MROH1: variants seen among roughly 807,000 people sequenced by gnomAD.
The protein encoded by MROH1 is maestro heat-like repeat-containing protein family member 1.
A neutral mutation model predicts 116.5 loss-of-function variants in MROH1; 117 were observed. The observed-to-expected ratio is 1.00, with a 90% CI of 0.86 to 1.17. The LOEUF is 1.17. Ranked by LOEUF, MROH1 falls within the 50% of genes most tolerant of loss-of-function variation. The probability of loss-of-function intolerance (pLI) is 0.00; values close to 1 mark genes in which losing one functional copy is unlikely to be tolerated. For missense variants in MROH1, 1,873 were observed against 1,338.5 expected (o/e 1.40, Z -6.23); for synonymous variants, 921 against 583.9 (o/e 1.58, Z -8.32).
chr8:144,261,588 G>A, intron 43 of MROH1, 67 bp from the exon 44 acceptor site: 1 of 700,756 alleles, frequency 1.4e-6, no homozygotes, highest in Non-Finnish European at 2.6e-6. Context: ...AGGAGAGCGT[G>A]GCCCACGCGC....
chr8:144,217,968 G>A (rs943491233), intron 12 of MROH1, among the ~76,000 whole-genome samples: 9 of 151,070 alleles, frequency 6.0e-5, no homozygotes, highest in African/African-American at 2.0e-4. Context: ...GGGTGGCTGC[G>A]TTAGCGGCCC....
chr8:144,154,831 C>CTT (rs1184974771), intron 1 of MROH1, among the ~76,000 whole-genome samples: 1 of 151,182 alleles, frequency 6.6e-6, no homozygotes, highest in African/African-American at 2.4e-5. Context: ...CGCCCAGCTA[C>CTT]TTTTTTTTAA....
intron 32 of MROH1, among the ~76,000 whole-genome samples, 166 bp downstream of exon 32, chr8:144,249,195 C>T (rs1376809023): frequency 6.6e-6 from 1 of 152,164 alleles, no homozygotes; most frequent in Non-Finnish European, 1.5e-5. Context: ...CAGCCCTCCT[C>T]GGGTGTGACC....
Position 144,248,916 on chromosome 8 carries a change from C to T in MROH1, c.3160C>T (p.Leu1054Phe). 2.6e-6 allele frequency: 2 copies of T among 777,834 alleles called. No individual in the cohort carries two copies. Among genetic ancestry groups the T allele is most frequent in the Non-Finnish European group, 2.4e-6 (1 of 416,710 alleles). 48.2% of individuals were successfully genotyped at this position (777,834 alleles called of 1,614,324 possible). A position where few individuals can be genotyped will look rare whatever the true frequency, so the allele number is the denominator to read the frequency against. ...KRLPPDQLIS[L>F]LLTMFEALGD... ...CCTCCCCCCAGACCAGCTCATCAGC[C>T]TCTTGCTAACCATGTTTGAGGCCCT... is the stretch of plus-strand genomic sequence containing the variant. Residue 1054 changes from leucine to phenylalanine, a missense_variant, in exon 32 of 44, where the codon CTC (leucine) becomes TTC (phenylalanine). Leu to Phe is a conservative substitution (Grantham distance 22). Coordinates refer to ENST00000326134, the MANE Select transcript of MROH1 (RefSeq NM_032450.3).
rs561387537 is a variant in MROH1 at position 144,178,782 on chromosome 8, C to G, written c.169-673C>G. ...CTTTCCTGGGTTGGGCAGTAGCCTACTCTGCTGTGTGCCCCCGCGGGTCCC... is the reference window on the plus strand; with the variant it reads ...CTTTCCTGGGTTGGGCAGTAGCCTAGTCTGCTGTGTGCCCCCGCGGGTCCC... On this transcript the variant is annotated intron_variant, in intron 4 of 43. Coordinates refer to ENST00000326134, the MANE Select transcript of MROH1 (RefSeq NM_032450.3). 2.6e-5 allele frequency among the ~76,000 whole-genome samples: 4 copies of G among 152,236 alleles called. No individual in the cohort carries two copies. The South Asian group carries it at 8.3e-4, about 32-fold the overall frequency.
chr8:144,240,190 GTGT>G (rs1840728304), intron 19 of MROH1, 37 bp downstream of exon 19: 2 of 751,642 alleles, frequency 2.7e-6, no homozygotes, highest in Non-Finnish European at 4.9e-6. Context: ...GGGCCTTAAG[GTGT>G]TGTCTGGCCT....
chr8:144,254,244 A>C (rs890917573), intron 33 of MROH1, among the ~76,000 whole-genome samples: 3 of 152,212 alleles, frequency 2.0e-5, no homozygotes, highest in Non-Finnish European at 4.4e-5. Context: ...CTGGCACCAA[A>C]TATGTCCACT....
At chr8:144,161,262 G>A (rs1345245738) in intron 2 of MROH1, among the ~76,000 whole-genome samples, 173 bp downstream of exon 2, 1 of 152,186 alleles carries the variant, frequency 6.6e-6, no homozygotes, top group African/African-American at 2.4e-5. Flanking sequence ...CTCATCTACT[G>A]AATCCCCTTT....
rs991296590 is a variant in MROH1, at chr8:144,240,167, T to A, written c.1827+14T>A. The A allele has an allele frequency of 1.3e-6, 1 of 772,096 alleles. No individual in the cohort carries two copies. 47.8% of individuals were successfully genotyped at this position (772,096 alleles called of 1,614,324 possible). ...AAGCTGTTGATGGTGAGGGCCGGGG[T>A]ACGGCCCATCCTGGGCCTTAAGGTG... On this transcript the variant is annotated intron_variant, in intron 19 of 43. Transcript: ENST00000326134.
intron 10 of MROH1, among the ~76,000 whole-genome samples, chr8:144,194,211 C>T (rs1180631313): frequency 2.6e-5 from 4 of 151,658 alleles, no homozygotes; most frequent in African/African-American, 9.7e-5. Flanking sequence ...TACAGGCACG[C>T]ACCACCACGC....
In MROH1 at chr8:144,260,389, G is replaced by A; in HGVS notation, c.4380+15G>A. ...TCTTCGACAGTGTAGGCTGGTTGGG[G>A]CAGGGGGAGGGAAGAGGGCCCCAGC... On this transcript the variant is annotated intron_variant, in intron 39 of 43. Transcript: ENST00000326134. 1 of 709,612 alleles carries A rather than the reference G, an allele frequency of 1.4e-6. No homozygotes were observed. Among genetic ancestry groups the A allele is most frequent in the Non-Finnish European group, 2.6e-6 (1 of 388,544 alleles). 44.0% of individuals were successfully genotyped at this position (709,612 alleles called of 1,614,324 possible). A position where few individuals can be genotyped will look rare whatever the true frequency, so the allele number is the denominator to read the frequency against.
chr8:144,195,653 T>C (rs1205946099), intron 10 of MROH1, among the ~76,000 whole-genome samples: 3 of 152,030 alleles, frequency 2.0e-5, no homozygotes, highest in African/African-American at 7.2e-5. Context: ...ATAGCAGTTA[T>C]TTATAACCTT....
chr8:144,230,954 G>A (rs1289196311), intron 14 of MROH1, among the ~76,000 whole-genome samples: 4 of 141,680 alleles, frequency 2.8e-5, no homozygotes, highest in African/African-American at 1.1e-4. Context: ...AGGACCCTGC[G>A]GCCTTCCGCA....
At chr8:144,155,507 A>G (rs1042113609) in intron 1 of MROH1, among the ~76,000 whole-genome samples, 1 of 152,184 alleles carries the variant, frequency 6.6e-6, no homozygotes, top group African/African-American at 2.4e-5. Context: ...AACGTGTCAC[A>G]AATCTCCAAA....
At chr8:144,175,355 CT>C (rs1241922519) in intron 4 of MROH1, 41 of 449,600 alleles carry the variant, frequency 9.1e-5, no homozygotes, top group Non-Finnish European at 1.1e-4. Context: ...CCCTCCCCCC[CT>C]CCCAGCAACA....
rs1434617045 is a variant in MROH1 at position 144,260,241 on chromosome 8, G to T, written c.4247G>T (p.Gly1416Val). ...GCCATGATTGGCGGGCTGGACGACGGGGACAACCCTCACAGCCCAGTGGCC... is the reference window on the plus strand; with the variant it reads ...GCCATGATTGGCGGGCTGGACGACGTGGACAACCCTCACAGCCCAGTGGCC... ...LTAMIGGLDDGDNPHSPVALE... is the reference protein window; with the variant it reads ...LTAMIGGLDDVDNPHSPVALE... Residue 1416 changes from glycine (G) to valine (V), a missense_variant, in exon 39 of 44, where the codon GGG becomes GTG. Gly to Val is a moderately radical substitution (Grantham distance 109). Coordinates refer to ENST00000326134, the MANE Select transcript of MROH1 (RefSeq NM_032450.3). The T allele has an allele frequency of 5.2e-6, 4 of 766,126 alleles. No individual in the cohort carries two copies. Among genetic ancestry groups the T allele is most frequent in the Non-Finnish European group, 9.6e-6 (4 of 417,574 alleles). The allele number at this position is 766,126 out of a possible 1,614,324, so 47.5% of individuals were successfully genotyped here.
intron 14 of MROH1, among the ~76,000 whole-genome samples, chr8:144,229,840 C>T (rs1224744038): frequency 6.6e-6 from 1 of 152,010 alleles, no homozygotes; most frequent in East Asian, 1.9e-4. Flanking sequence ...TCGAGACCAG[C>T]CTGGCCAACA....
At chr8:144,194,224 G>A (rs1358388716) in intron 10 of MROH1, among the ~76,000 whole-genome samples, 1 of 151,284 alleles carries the variant, frequency 6.6e-6, no homozygotes, top group Non-Finnish European at 1.5e-5. Flanking sequence ...CACCACGCCT[G>A]GCTAATTTTT....
At chr8:144,234,177 T>A (rs1323759835) in intron 14 of MROH1, among the ~76,000 whole-genome samples, 3 of 152,010 alleles carry the variant, frequency 2.0e-5, no homozygotes, top group African/African-American at 7.2e-5. Context: ...GCCCCGCTAA[T>A]TTTTTGTATT....
Sources: allele counts gnomAD v4.1 joint callset (sites outside exome capture counted in the v4.1 genomes callset), GRCh38; gene constraint gnomAD v4.1.1; transcripts MANE v1.5; gene names NCBI Gene and HGNC (gene_info 2026-07-23, HGNC 2026-07-21).